MACF1: variants seen among roughly 807,000 people sequenced by gnomAD.
The protein encoded by MACF1 is microtubule actin crosslinking factor 1, also known as microtubule-actin cross-linking factor 1.
Under a neutral mutation model 854.8 loss-of-function variants are expected in MACF1, and 193 were observed. The ratio of observed to expected loss-of-function variants is 0.23; its 90% CI spans 0.20 to 0.25. The LOEUF (loss-of-function observed/expected upper bound fraction) is 0.25, where lower values mean the gene tolerates loss of function less well. Ranked by LOEUF, MACF1 falls within the 10% of genes least tolerant of loss-of-function variation. The pLI is 1.00. For missense variants in MACF1, 7,722 were observed against 8,929.1 expected (o/e 0.86, Z 5.45); for synonymous variants, 3,185 against 3,226.7 (o/e 0.99, Z 0.44).
chr1:39,369,740 C>G (rs964230067), intron 50 of MACF1, among the ~76,000 whole-genome samples: 2 of 152,232 alleles, frequency 1.3e-5, no homozygotes, highest in African/African-American at 4.8e-5. Context: ...CATTGTATCA[C>G]AGTACCTAAA....
intron 58 of MACF1, among the ~76,000 whole-genome samples, chr1:39,402,265 A>T (rs1427578499): frequency 6.6e-6 from 1 of 152,118 alleles, no homozygotes; most frequent in Non-Finnish European, 1.5e-5. Flanking sequence ...TAACCAAGCA[A>T]TTTTGTGATG....
intron 2 of MACF1, among the ~76,000 whole-genome samples, chr1:39,141,368 T>A (rs1643342330): frequency 1.3e-5 from 2 of 152,116 alleles, no homozygotes; most frequent in South Asian, 4.1e-4. Context: ...TTCTAACAAG[T>A]TCCCAGGAGA....
intron 16 of MACF1, among the ~76,000 whole-genome samples, chr1:39,292,329 C>G (rs749420860): frequency 6.6e-4 from 101 of 152,192 alleles, no homozygotes; most frequent in Non-Finnish European, 1.2e-3. Flanking sequence ...AACTCAGGCC[C>G]TCTGCCTCTA....
At position 39,361,010 on chromosome 1, in the gene MACF1, T is replaced by G; in HGVS notation, c.12453+9T>G. 6.2e-7 allele frequency: 1 copy of G among 1,612,028 alleles called. No individual in the cohort carries two copies. Among genetic ancestry groups the G allele is most frequent in the Non-Finnish European group, 8.5e-7 (1 of 1,178,150 alleles). ...CCTTAGCCACAAATATGGTAAGATC[T>G]GTGTCCCAAGAGCTAGCATAGAGGG... On this transcript the variant is annotated intron_variant, in intron 48 of 100. Coordinates refer to ENST00000564288, the MANE Select transcript of MACF1 (RefSeq NM_001394062.1).
chr1:39,342,437 AT>A (rs1471746223), intron 40 of MACF1, among the ~76,000 whole-genome samples: 18 of 152,188 alleles, frequency 1.2e-4, no homozygotes, highest in Middle Eastern at 3.4e-3. Context: ...GCTAGGTCAA[AT>A]GGTAATTCTA....
In MACF1 at chr1:39,357,423, A is replaced by G; in HGVS notation, c.11473A>G (p.Thr3825Ala). ...CCAGCAGCAAAATTTCATTCTGGCC[A>G]CCCAGTCAGCTCAGGCCTTCTTGGA... The part of the protein sequence containing the change: ...LSQQQNFILA[T>A]QSAQAFLDQH... Residue 3825 changes from threonine (T) to alanine (A), a missense_variant, in exon 45 of 101, where the codon ACC becomes GCC. By Grantham distance (58) the Thr-to-Ala change is moderately conservative. Around this residue, in one of 15 missense-constraint regions of MACF1, gnomAD observed 2,807 missense variants for 3,235.8 expected, o/e 0.87. Transcript: ENST00000564288. The G allele has an allele frequency of 6.2e-7, 1 of 1,613,916 alleles. No individual in the cohort carries two copies.
In MACF1 at chr1:39,334,105, G is replaced by A; in HGVS notation, c.7517G>A (p.Gly2506Asp). 2 of 1,614,132 alleles carry A rather than the reference G, an allele frequency of 1.2e-6. No individual in the cohort carries two copies. The highest frequency in any genetic ancestry group is 1.7e-6 in the Non-Finnish European group (2 of 1,180,008). ...RLLTKQVVDG[G>D]IIHHISGMRL... ...TTGACTAAGCAAGTGGTAGATGGAG[G>A]TATCATTCACCATATATCTGGGATG... Residue 2506 changes from glycine (G) to aspartate (D), a missense_variant, in exon 37 of 101, where the codon GGT (glycine) becomes GAT (aspartate). Transcript: ENST00000564288.
chr1:39,303,017 G>A lies in MACF1; in HGVS notation c.2728G>A (p.Val910Met). 6.2e-7 allele frequency: 1 copy of A among 1,614,180 alleles called. No individual in the cohort carries two copies. The highest frequency in any genetic ancestry group is 8.5e-7 in the Non-Finnish European group (1 of 1,180,012). ...CAGCCCCACAGGGAACGAGGCAATG[G>A]TGCCGTCAGTCTGCTTCCTCATCCC... ...VISPTGNEAM[V>M]PSVCFLIPPP... The change falls in exon 23 of 101, where the codon GTG becomes ATG. Residue 910 changes from valine (V) to methionine (M), a missense_variant. Transcript: ENST00000564288.
rs142070760 is a variant in MACF1, at chr1:39,361,019, A to G, written c.12453+18A>G. 440 of 1,606,020 alleles carry G rather than the reference A, an allele frequency of 2.7e-4. No homozygotes were observed. The African/African-American group carries it at 5.3e-3, about 19-fold the overall frequency. The stretch of plus-strand genomic sequence containing the variant: ...CAAATATGGTAAGATCTGTGTCCCA[A>G]GAGCTAGCATAGAGGGTATGTTTGC... On this transcript the variant is annotated intron_variant, in intron 48 of 100. Transcript: ENST00000564288.
intron 15 of MACF1, among the ~76,000 whole-genome samples, chr1:39,289,777 G>A (rs1453512864): frequency 4.0e-5 from 5 of 123,558 alleles, no homozygotes; most frequent in African/African-American, 6.0e-5. Context: ...GCGCAATCTC[G>A]GCTCACTGCA....
rs750276629 is a variant in MACF1 at position 39,387,214 on chromosome 1, C to T, written c.14372C>T (p.Ala4791Val). The change falls in exon 58 of 101, where the codon GCT becomes GTT. Residue 4791 changes from alanine to valine, a missense_variant. Physicochemically the swap from Ala to Val is moderately conservative, Grantham distance 64. This residue lies in a region of MACF1 where 2,807 missense variants were observed against 3,235.8 expected (regional missense o/e 0.87). Transcript: ENST00000564288. ...AADRINRLQA[A>V]LASTQQFQQM... ...GATCGCATTAACAGACTCCAGGCAG[C>T]TCTTGCCAGCACCCAGCAGTTCCAG... is the stretch of plus-strand genomic sequence containing the variant. 1 of 1,613,962 alleles carries T rather than the reference C, an allele frequency of 6.2e-7. No individual in the cohort carries two copies. The highest frequency in any genetic ancestry group is 1.7e-5 in the Admixed American group (1 of 59,988).
chr1:39,464,861 C>A, intron 94 of MACF1: 1 of 467,168 alleles, frequency 2.1e-6, no homozygotes, highest in South Asian at 2.2e-5. Flanking sequence ...TTGCAGTGAG[C>A]CATGATCGCG....
chr1:39,413,070 T>C, intron 58 of MACF1: 1 of 1,599,156 alleles, frequency 6.3e-7, no homozygotes, highest in Non-Finnish European at 8.5e-7. Flanking sequence ...CTGCTCCAGC[T>C]GTTGCAGCAG....
intron 2 of MACF1, among the ~76,000 whole-genome samples, chr1:39,243,569 CTTTTAAAA>C (rs1644948688): frequency 6.6e-6 from 1 of 152,062 alleles, no homozygotes; most frequent in African/African-American, 2.4e-5. Context: ...ACCTGGCTGA[CTTTTAAAA>C]TTTTTTGTAG....
intron 72 of MACF1, among the ~76,000 whole-genome samples, chr1:39,440,106 CTTTTCTTTT>C (rs1553413974): frequency 1.5e-5 from 1 of 68,300 alleles, no homozygotes; most frequent in Non-Finnish European, 3.0e-5. Flanking sequence ...CTTTTCTTTT[CTTTTCTTTT>C]TTTTTTTTTT....
chr1:39,397,390 G>A (rs944942971), intron 58 of MACF1, among the ~76,000 whole-genome samples: 2 of 151,870 alleles, frequency 1.3e-5, no homozygotes, highest in Non-Finnish European at 2.9e-5. Flanking sequence ...GGTGAAACCC[G>A]GTCTCTACTA....
At chr1:39,436,118 T>C (rs1643968775) in intron 70 of MACF1, 2 of 400,002 alleles carry the variant, frequency 5.0e-6, no homozygotes, top group South Asian at 9.1e-5. Context: ...ACTTTTTTGC[T>C]TTAGAGCAAC....
chr1:39,462,644 G>C (rs1190706382), intron 93 of MACF1, among the ~76,000 whole-genome samples: 3 of 151,804 alleles, frequency 2.0e-5, no homozygotes, highest in Non-Finnish European at 4.4e-5. Context: ...GAGCATGGGA[G>C]ATCAAAGGTG....
intron 2 of MACF1, among the ~76,000 whole-genome samples, chr1:39,091,779 C>T (rs1295789217): frequency 6.6e-6 from 1 of 152,192 alleles, no homozygotes; most frequent in African/African-American, 2.4e-5. Flanking sequence ...GGATTACAGC[C>T]ACTGCACCCG....
Sources: allele counts gnomAD v4.1 joint callset (sites outside exome capture counted in the v4.1 genomes callset), GRCh38; gene constraint gnomAD v4.1.1; regional missense constraint gnomAD v4.1.1; transcripts MANE v1.5; gene names NCBI Gene and HGNC (gene_info 2026-07-23, HGNC 2026-07-21).